Variants in ZSWIM5 observed in about 807,000 individuals in gnomAD.
The protein encoded by ZSWIM5 is zinc finger SWIM-type containing 5.
In ZSWIM5, 55 loss-of-function variants were observed where a neutral mutation model predicts 119.6. That is an observed-to-expected ratio of 0.46 (90% CI 0.37 to 0.58). The LOEUF (loss-of-function observed/expected upper bound fraction) is 0.58, where lower values mean the gene tolerates loss of function less well. Ranked by LOEUF, ZSWIM5 falls within the 20% of genes least tolerant of loss-of-function variation. The pLI is 0.00. For missense variants in ZSWIM5, 1,193 were observed against 1,512.8 expected, an observed-to-expected ratio of 0.79 and a Z score of 3.51; for synonymous variants, 537 against 606.9, an observed-to-expected ratio of 0.88 and a Z score of 1.69.
chr1:45,160,849 T>C (rs1358420021), intron 1 of ZSWIM5, among the ~76,000 whole-genome samples: 5 of 140,652 alleles, frequency 3.6e-5, no homozygotes. Context: ...TTAGACGGAG[T>C]CTCTCTTTGT....
intron 4 of ZSWIM5, 26 bp from the exon 5 acceptor site, chr1:45,051,279 T>A: frequency 1.2e-6 from 2 of 1,603,436 alleles, no homozygotes; most frequent in Non-Finnish European, 1.7e-6. Context: ...ACCCATATTC[T>A]TAACATCTCT....
chr1:45,186,315 T>C (rs1161983894), intron 1 of ZSWIM5, among the ~76,000 whole-genome samples: 2 of 150,418 alleles, frequency 1.3e-5, no homozygotes, highest in Non-Finnish European at 1.5e-5. Flanking sequence ...GACGAGTTAA[T>C]GGGTGCAGCA....
chr1:45,106,657 AAGTGAGGAGC>A (rs1645481410), intron 1 of ZSWIM5, among the ~76,000 whole-genome samples: 1 of 152,116 alleles, frequency 6.6e-6, no homozygotes, highest in Admixed American at 6.5e-5. Context: ...CCCGTCTGGG[AAGTGAGGAGC>A]GCCTCCGCCA....
intron 1 of ZSWIM5, among the ~76,000 whole-genome samples, chr1:45,123,545 T>C (rs1410681169): frequency 6.6e-6 from 1 of 151,992 alleles, no homozygotes; most frequent in African/African-American, 2.4e-5. Flanking sequence ...TAACAGAAAT[T>C]ACCTAATCTG....
intron 8 of ZSWIM5, 55 bp from the exon 9 acceptor site, chr1:45,036,354 CTTTTTTT>C: frequency 7.0e-6 from 9 of 1,293,646 alleles, no homozygotes; most frequent in Admixed American, 2.9e-5. Flanking sequence ...AGTCTTCTTT[CTTTTTTT>C]TTTTTTTTTT....
chr1:45,179,445 T>G (rs1208123125), intron 1 of ZSWIM5, among the ~76,000 whole-genome samples: 1 of 151,896 alleles, frequency 6.6e-6, no homozygotes, highest in African/African-American at 2.4e-5. Flanking sequence ...GAATACAACA[T>G]AGGGAAGGGA....
At chr1:45,143,796 CA>C (rs1645744500) in intron 1 of ZSWIM5, among the ~76,000 whole-genome samples, 2 of 151,656 alleles carry the variant, frequency 1.3e-5, no homozygotes, top group Non-Finnish European at 2.9e-5. Context: ...GTGCAGTTAG[CA>C]AGGACTCAGT....
chr1:45,107,262 C>T (rs1211188916), intron 1 of ZSWIM5, among the ~76,000 whole-genome samples: 3 of 151,746 alleles, frequency 2.0e-5, no homozygotes, highest in South Asian at 4.2e-4. Flanking sequence ...GGAAACATTT[C>T]GTGTATAAAA....
At chr1:45,160,394 A>C (rs1645855983) in intron 1 of ZSWIM5, among the ~76,000 whole-genome samples, 1 of 152,050 alleles carries the variant, frequency 6.6e-6, no homozygotes, top group Non-Finnish European at 1.5e-5. Context: ...ATTAAGGTTT[A>C]TTTCTTCTAT....
At chr1:45,035,566 T>G in intron 10 of ZSWIM5, 122 bp downstream of exon 10, 1 of 1,275,450 alleles carries the variant, frequency 7.8e-7, no homozygotes, top group Non-Finnish European at 1.1e-6. Context: ...TAAGGTACAC[T>G]TGGTAGCGGG....
chr1:45,175,872 GAATCTCT>G (rs1645977274), intron 1 of ZSWIM5, among the ~76,000 whole-genome samples: 2 of 151,696 alleles, frequency 1.3e-5, no homozygotes, highest in South Asian at 4.2e-4. Context: ...TGGCTAATGG[GAATCTCT>G]TCAAAGCTGG....
At chr1:45,098,775 G>A (rs745953726) in intron 1 of ZSWIM5, among the ~76,000 whole-genome samples, 2 of 152,254 alleles carry the variant, frequency 1.3e-5, no homozygotes, top group Admixed American at 6.5e-5. Context: ...CATGGAAACT[G>A]AACAACCTGC....
At chr1:45,115,712 G>A (rs1001889217) in intron 1 of ZSWIM5, among the ~76,000 whole-genome samples, 27 of 145,588 alleles carry the variant, frequency 1.9e-4, no homozygotes, top group African/African-American at 6.6e-4. Context: ...AGGCAGAGAC[G>A]CTCGTCACTT....
intron 1 of ZSWIM5, among the ~76,000 whole-genome samples, chr1:45,136,148 A>C (rs905545488): frequency 1.3e-5 from 2 of 152,080 alleles, no homozygotes; most frequent in Middle Eastern, 6.3e-3. Flanking sequence ...GGCGTGAGCC[A>C]CTGTGCCCAG....
intron 4 of ZSWIM5, among the ~76,000 whole-genome samples, chr1:45,053,800 A>AG (rs2148998291): frequency 6.8e-6 from 1 of 146,240 alleles, no homozygotes; most frequent in Admixed American, 6.8e-5. Context: ...CTAGAAAGTG[A>AG]GCACAAGTAC....
At chr1:45,091,240 G>A (rs968325131) in intron 1 of ZSWIM5, among the ~76,000 whole-genome samples, 11 of 151,990 alleles carry the variant, frequency 7.2e-5, no homozygotes, top group Admixed American at 2.0e-4. Flanking sequence ...AATTTCCCTC[G>A]GGCCATTCAG....
At chr1:45,097,116 T>C (rs1438300238) in intron 1 of ZSWIM5, among the ~76,000 whole-genome samples, 1 of 152,146 alleles carries the variant, frequency 6.6e-6, no homozygotes, top group African/African-American at 2.4e-5. Context: ...AAATCCATGG[T>C]TTAAAAGAGT....
chr1:45,161,065 C>T (rs1415466373), intron 1 of ZSWIM5, among the ~76,000 whole-genome samples: 2 of 150,750 alleles, frequency 1.3e-5, no homozygotes, highest in African/African-American at 4.9e-5. Flanking sequence ...CTCAGGTGAT[C>T]CTCCTTCCTC....
intron 8 of ZSWIM5, among the ~76,000 whole-genome samples, chr1:45,036,637 G>T (rs1644986430): frequency 6.6e-6 from 1 of 151,936 alleles, no homozygotes; most frequent in South Asian, 2.1e-4. Flanking sequence ...TTACAGGTGT[G>T]AGCCACCGTA....
Sources: allele counts gnomAD v4.1 joint callset (sites outside exome capture counted in the v4.1 genomes callset), GRCh38; gene constraint gnomAD v4.1.1; transcripts MANE v1.5; gene names NCBI Gene and HGNC (gene_info 2026-07-23, HGNC 2026-07-21).